Variants in ACTN3 observed in about 807,000 individuals in gnomAD.
ACTN3 encodes actinin alpha 3.
In ACTN3, 91 loss-of-function variants were observed where a neutral mutation model predicts 119.6. The ratio of observed to expected loss-of-function variants is 0.76; its 90% confidence interval spans 0.64 to 0.91. The LOEUF (loss-of-function observed/expected upper bound fraction) is 0.91. ACTN3 is among the 40% of genes least tolerant of loss of function. The probability of loss-of-function intolerance (pLI) is 0.00; values close to 1 mark genes in which losing one functional copy is unlikely to be tolerated. For missense variants in ACTN3, 1,221 were observed against 1,215.1 expected (o/e 1.00, Z -0.07); for synonymous variants, 456 against 478.8 (o/e 0.95, Z 0.62).
In ACTN3 at chr11:66,561,271, G is replaced by A. The variant is rs758831057; in HGVS notation, c.1905G>A (p.Glu635=). The A allele has an allele frequency of 1.2e-6, 2 of 1,602,618 alleles. No homozygotes were observed. The highest frequency in any genetic ancestry group is 1.3e-5 in the African/African-American group (1 of 74,728). Residue 635 remains glutamate (E), a synonymous_variant, in exon 16 of 21, where the codon GAG becomes GAA. Transcript: ENST00000513398. ...GCTGTGACCAGACACTGCAGGAGGAGCTGGCACGGCAGCAGGTAAACGAGA... is the reference window on the plus strand; with the variant it reads ...GCTGTGACCAGACACTGCAGGAGGAACTGGCACGGCAGCAGGTAAACGAGA... The part of the protein sequence containing the change: ...VPSCDQTLQE[E]LARQQVNERL...
chr11:66,547,645 G>C (rs768342075), intron 1 of ACTN3, among the ~76,000 whole-genome samples: 3 of 152,068 alleles, frequency 2.0e-5, no homozygotes, highest in Admixed American at 6.5e-5. Context: ...CAGGACCCCC[G>C]CAACCTGAGG....
At chr11:66,560,788 C>G (rs1391410900) in intron 15 of ACTN3, 33 bp downstream of exon 15, 2 of 1,577,408 alleles carry the variant, frequency 1.3e-6, no homozygotes, top group Non-Finnish European at 1.7e-6. Flanking sequence ...CTCCCACCCC[C>G]TCCTGCATAC....
chr11:66,559,960 G>T lies in ACTN3; in HGVS notation c.1428-8G>T. 1 of 1,585,758 alleles carries T rather than the reference G, an allele frequency of 6.3e-7. No homozygotes were observed. The highest frequency in any genetic ancestry group is 8.6e-7 in the Non-Finnish European group (1 of 1,168,270). ...TGGCCCCACACTCGCCCTACTTCTC[G>T]CTCCCAGTGAGCTGGACTACCACGA... On this transcript the variant is annotated splice_region_variant and splice_polypyrimidine_tract_variant and intron_variant, in intron 12 of 20. Coordinates refer to ENST00000513398, the MANE Select transcript of ACTN3 (RefSeq NM_001104.4).
intron 1 of ACTN3, among the ~76,000 whole-genome samples, chr11:66,547,997 A>G (rs1857397566): frequency 6.6e-6 from 1 of 152,090 alleles, no homozygotes; most frequent in Non-Finnish European, 1.5e-5. Flanking sequence ...TACTTTGGAG[A>G]GTGGCAGGCC....
intron 1 of ACTN3, among the ~76,000 whole-genome samples, chr11:66,549,732 CAAAA>C (rs61393902): frequency 2.3e-5 from 1 of 43,028 alleles, no homozygotes; most frequent in Non-Finnish European, 4.1e-5. Flanking sequence ...ACTCTGTCTC[CAAAA>C]AAAAAAAAAA....
chr11:66,561,958 G>A, intron 17 of ACTN3, 64 bp from the exon 18 acceptor site: 2 of 1,542,170 alleles, frequency 1.3e-6, no homozygotes, highest in Non-Finnish European at 1.8e-6. Flanking sequence ...AACTGGATGT[G>A]GAGCTAGAGC....
chr11:66,561,964 A>C, intron 17 of ACTN3, 58 bp from the exon 18 acceptor site: 1 of 1,549,546 alleles, frequency 6.5e-7, no homozygotes, highest in South Asian at 1.2e-5. Context: ...ATGTGGAGCT[A>C]GAGCCAGTGG....
chr11:66,554,685 C>A, intron 5 of ACTN3, 62 bp downstream of exon 5: 4 of 1,400,544 alleles, frequency 2.9e-6, no homozygotes, highest in South Asian at 1.3e-5. Flanking sequence ...TAGAGAGGAG[C>A]CCTCCCTGGT....
At position 66,551,058 on chromosome 11, in the gene ACTN3, C is replaced by T. The variant is rs75830916; in HGVS notation, c.148-181C>T. On this transcript the variant is annotated intron_variant, in intron 1 of 20. Coordinates refer to ENST00000513398, the MANE Select transcript of ACTN3 (RefSeq NM_001104.4). ...CCCCATTTCTCCCCTCTCAGGAAAA[C>T]GAAAGCTCAGAGAGGGAAAGGGACT... The T allele has an allele frequency of 5.2e-3, 3,631 of 694,722 alleles. 95 individuals carry two copies. In the African/African-American group the frequency reaches 0.054, roughly 10 times the overall value. 43.0% of individuals were successfully genotyped at this position (694,722 alleles called of 1,614,324 possible).
Position 66,563,110 on chromosome 11 carries a change from C to T in ACTN3, c.2623C>T (p.Pro875Ser). 6.2e-7 allele frequency: 1 copy of T among 1,613,390 alleles called. No individual in the cohort carries two copies. ...CGAGTACTGCATCCGCCGTATGGTGCCCTACAAGGGATCCGGGGCCCCGGC... is the reference window on the plus strand; with the variant it reads ...CGAGTACTGCATCCGCCGTATGGTGTCCTACAAGGGATCCGGGGCCCCGGC... The part of the protein sequence containing the change: ...QAEYCIRRMV[P>S]YKGSGAPAGA... Residue 875 changes from proline (P) to serine (S), a missense_variant, in exon 21 of 21, where the codon CCC becomes TCC. By Grantham distance (74) the Pro-to-Ser change is moderately conservative. Around this residue, in one of 3 missense-constraint regions of ACTN3, gnomAD observed 934 missense variants for 899.9 expected, o/e 1.04. Coordinates refer to ENST00000513398, the MANE Select transcript of ACTN3 (RefSeq NM_001104.4).
intron 8 of ACTN3, 75 bp from the exon 9 acceptor site, chr11:66,557,058 G>A (rs10896128): frequency 0.16 from 225,849 of 1,387,122 alleles, 19,173 homozygotes; most frequent in Non-Finnish European, 0.17. Context: ...ACCGCGCTCG[G>A]CGGGGCTCTG....
chr11:66,554,693 G>C, intron 5 of ACTN3, 70 bp downstream of exon 5: 1 of 1,272,492 alleles, frequency 7.9e-7, no homozygotes, highest in South Asian at 1.4e-5. Flanking sequence ...AGCCCTCCCT[G>C]GTCAGTGAAG....
intron 7 of ACTN3, among the ~76,000 whole-genome samples, chr11:66,555,667 C>T (rs1343339986): frequency 6.6e-6 from 1 of 152,224 alleles, no homozygotes; most frequent in Non-Finnish European, 1.5e-5. Flanking sequence ...CCCTGGGGCA[C>T]GTCCTGCCTG....
At chr11:66,551,160 C>A (rs1028409336) in intron 1 of ACTN3, 79 bp from the exon 2 acceptor site, 5 of 1,058,318 alleles carry the variant, frequency 4.7e-6, no homozygotes, top group African/African-American at 3.1e-5. Flanking sequence ...CTGAGACCTA[C>A]CCTGACTGAG....
chr11:66,554,552 A>T lies in ACTN3; in HGVS notation c.486A>T (p.Glu162Asp). Residue 162 changes from glutamate to aspartate, a missense_variant, in exon 5 of 21, where the codon GAA (glutamate) becomes GAT (aspartate). Physicochemically the swap from Glu to Asp is conservative, Grantham distance 45. This residue lies in a region of ACTN3 where 239 missense variants were observed against 231.8 expected (regional missense o/e 1.03). Coordinates refer to ENST00000513398, the MANE Select transcript of ACTN3 (RefSeq NM_001104.4). The stretch of plus-strand genomic sequence containing the variant: ...CCGACCCAGAAACCTCAGCCAAGGA[A>T]GGCTTGCTTCTGTGGTGCCAGAGGA... Reference protein sequence around the residue: ...DISVEETSAKEGLLLWCQRKT... With the variant: ...DISVEETSAKDGLLLWCQRKT... 1 of 1,611,102 alleles carries T rather than the reference A, an allele frequency of 6.2e-7. No homozygotes were observed. Among genetic ancestry groups the T allele is most frequent in the Non-Finnish European group, 8.5e-7 (1 of 1,178,400 alleles).
rs771648881 is a variant in ACTN3, at chr11:66,554,055, C to T, written c.393C>T (p.Asp131=). 17 of 1,613,368 alleles carry T rather than the reference C, an allele frequency of 1.1e-5. No individual in the cohort carries two copies. Among genetic ancestry groups the T allele is most frequent in the South Asian group, 8.8e-5 (8 of 91,052 alleles). Residue 131 remains aspartate (D), a synonymous_variant, in exon 4 of 21, where the codon GAC becomes GAT. Coordinates refer to ENST00000513398, the MANE Select transcript of ACTN3 (RefSeq NM_001104.4). ...ACCCCTGCCCTGCAGAGATTGTTGA[C>T]GGGAACCTGAAGATGACCCTGGGCA... ...LVSIGAEEIV[D]GNLKMTLGMI... is the part of the protein sequence containing the mutation.
chr11:66,549,732 CAAA>C (rs61393902), intron 1 of ACTN3, among the ~76,000 whole-genome samples: 9 of 43,024 alleles, frequency 2.1e-4, no homozygotes, highest in African/African-American at 9.0e-4. Context: ...ACTCTGTCTC[CAAA>C]AAAAAAAAAA....
chr11:66,560,986 T>TTG (rs370546164), intron 15 of ACTN3, among the ~76,000 whole-genome samples: 93 of 151,610 alleles, frequency 6.1e-4, no homozygotes, highest in African/African-American at 2.2e-3. Flanking sequence ...GAATTAAGCC[T>TTG]TGTGTGTGGA....
At chr11:66,555,941 C>G (rs1052785851) in intron 7 of ACTN3, among the ~76,000 whole-genome samples, 1 of 152,196 alleles carries the variant, frequency 6.6e-6, no homozygotes, top group Non-Finnish European at 1.5e-5. Flanking sequence ...TCACACTTTG[C>G]TCACCCCAAG....
Sources: gnomAD v4.1 joint callset for allele counts (sites outside exome capture counted in the v4.1 genomes callset) on GRCh38, gnomAD v4.1.1 for gene constraint, gnomAD v4.1.1 regional missense constraint, MANE v1.5 for transcripts, NCBI Gene and HGNC (gene_info 2026-07-23, HGNC 2026-07-21) for gene names.